Variants in ITPR1 observed in about 807,000 individuals in gnomAD.
ITPR1 encodes inositol 1,4,5-trisphosphate-gated calcium channel ITPR1.
ITPR1 carries 96 observed loss-of-function variants against 318.4 expected under a neutral mutation model. The observed-to-expected ratio is 0.30, with a 90% CI of 0.26 to 0.36. The LOEUF is 0.36. Ranked by LOEUF, ITPR1 falls within the 10% of genes least tolerant of loss-of-function variation. The probability of loss-of-function intolerance (pLI) is 1.00; values close to 1 mark genes in which losing one functional copy is unlikely to be tolerated. For synonymous variants in ITPR1, 1,312 were observed against 1,289.9 expected, an observed-to-expected ratio of 1.02 and a Z score of -0.37; for missense variants, 2,440 against 3,460.2, an observed-to-expected ratio of 0.71 and a Z score of 7.40.
chr3:4,611,482 C>T (rs376317849), intron 4 of ITPR1, among the ~76,000 whole-genome samples: 1 of 151,898 alleles, frequency 6.6e-6, no homozygotes, highest in African/African-American at 2.4e-5. Flanking sequence ...ATGGCTTGAA[C>T]CCAGGAGGCA....
In ITPR1 at chr3:4,846,296, G is replaced by C. The variant is rs2051776144; in HGVS notation, c.*71G>C. On this transcript the variant is annotated 3_prime_UTR_variant, in exon 62 of 62. Coordinates refer to ENST00000649015, the MANE Select transcript of ITPR1 (RefSeq NM_001378452.1). ...AGTGTGGGTATGGCTAATGAGTTCTGATTCACCCACGAAGGTTACATTTAT... is the reference window on the plus strand; with the variant it reads ...AGTGTGGGTATGGCTAATGAGTTCTCATTCACCCACGAAGGTTACATTTAT... 2.0e-6 allele frequency: 2 copies of C among 1,013,424 alleles called. No individual in the cohort carries two copies. Among genetic ancestry groups the C allele is most frequent in the East Asian group, 2.6e-5 (1 of 38,082 alleles). The allele number at this position is 1,013,424 out of a possible 1,614,324, so 62.8% of individuals were successfully genotyped here. A position where few individuals can be genotyped will look rare whatever the true frequency, so the allele number is the denominator to read the frequency against.
intron 51 of ITPR1, among the ~76,000 whole-genome samples, chr3:4,784,184 T>A (rs1486328967): frequency 6.6e-6 from 1 of 152,102 alleles, no homozygotes; most frequent in Non-Finnish European, 1.5e-5. Context: ...CATAAGAAAG[T>A]CCAGCAGAGG....
chr3:4,768,480 C>G, intron 45 of ITPR1, 31 bp from the exon 46 acceptor site: 1 of 1,576,980 alleles, frequency 6.3e-7, no homozygotes. Context: ...GAGGACTCTG[C>G]AGCCTTTCAT....
At chr3:4,764,122 A>G (rs2045646492) in intron 44 of ITPR1, among the ~76,000 whole-genome samples, 1 of 152,186 alleles carries the variant, frequency 6.6e-6, no homozygotes. Flanking sequence ...TCTTGGTGAG[A>G]AATTCAGTCA....
intron 4 of ITPR1, among the ~76,000 whole-genome samples, chr3:4,605,527 C>T (rs920491679): frequency 1.3e-5 from 2 of 152,130 alleles, no homozygotes; most frequent in African/African-American, 4.8e-5. Flanking sequence ...CTATTTTTAG[C>T]AAATGGACAC....
intron 4 of ITPR1, among the ~76,000 whole-genome samples, chr3:4,622,358 C>A (rs1268112588): frequency 6.6e-6 from 1 of 151,350 alleles, no homozygotes; most frequent in East Asian, 1.9e-4. Flanking sequence ...CGTGATCCGC[C>A]TGCCTTGGCC....
At chr3:4,633,202 C>G (rs548974969) in intron 5 of ITPR1, among the ~76,000 whole-genome samples, 1 of 152,224 alleles carries the variant, frequency 6.6e-6, no homozygotes, top group South Asian at 2.1e-4. Flanking sequence ...TGCCAAAGTG[C>G]TGACATTACA....
intron 44 of ITPR1, among the ~76,000 whole-genome samples, chr3:4,754,059 T>A (rs11706000): frequency 1.8e-5 from 2 of 113,658 alleles, no homozygotes; most frequent in South Asian, 2.9e-4. Flanking sequence ...GGGGGGGGGG[T>A]GGCAAGGATT....
At chr3:4,754,837 G>T (rs957070500) in intron 44 of ITPR1, among the ~76,000 whole-genome samples, 3 of 152,188 alleles carry the variant, frequency 2.0e-5, no homozygotes, top group African/African-American at 7.2e-5. Flanking sequence ...TTTTACATCT[G>T]TTTTCAAGGG....
At chr3:4,517,122 C>T (rs950329619) in intron 3 of ITPR1, among the ~76,000 whole-genome samples, 3 of 152,044 alleles carry the variant, frequency 2.0e-5, no homozygotes, top group African/African-American at 7.2e-5. Flanking sequence ...CTCTTTTGTG[C>T]TTTTTTCCCA....
chr3:4,687,770 G>A (rs1011556655), intron 30 of ITPR1, among the ~76,000 whole-genome samples: 3 of 152,154 alleles, frequency 2.0e-5, no homozygotes, highest in South Asian at 2.1e-4. Flanking sequence ...ATCCAACCAC[G>A]TGAAATGCCA....
intron 6 of ITPR1, 144 bp from the exon 7 acceptor site, chr3:4,641,949 C>T (rs1575853445): frequency 1.1e-5 from 6 of 548,884 alleles, no homozygotes; most frequent in East Asian, 6.2e-5. Flanking sequence ...CATCTGCAGC[C>T]GTAGGCACTT....
At chr3:4,725,017 CCTAGGT>C (rs950571936) in intron 40 of ITPR1, among the ~76,000 whole-genome samples, 3 of 152,150 alleles carry the variant, frequency 2.0e-5, no homozygotes, top group Admixed American at 2.0e-4. Flanking sequence ...CAAGCTGGAG[CCTAGGT>C]CTTCTTCTCT....
intron 5 of ITPR1, 67 bp from the exon 6 acceptor site, chr3:4,639,317 G>C: frequency 1.7e-6 from 2 of 1,179,302 alleles, no homozygotes; most frequent in African/African-American, 3.0e-5. Flanking sequence ...CATTTGTTCT[G>C]CGTCACTGCA....
intron 4 of ITPR1, among the ~76,000 whole-genome samples, chr3:4,601,737 C>T (rs1422147917): frequency 6.6e-6 from 1 of 152,122 alleles, no homozygotes; most frequent in Admixed American, 6.5e-5. Context: ...TTTCCTGCTT[C>T]AAAGGATACT....
intron 46 of ITPR1, 117 bp from the exon 47 acceptor site, chr3:4,775,125 G>T (rs757974343): frequency 3.8e-6 from 3 of 779,732 alleles, no homozygotes; most frequent in Non-Finnish European, 6.8e-6. Context: ...GCTCTCCCAC[G>T]TGGCATCTCT....
chr3:4,724,630 C>T (rs893211264), intron 40 of ITPR1, among the ~76,000 whole-genome samples: 1 of 152,164 alleles, frequency 6.6e-6, no homozygotes, highest in Non-Finnish European at 1.5e-5. Flanking sequence ...TCTGGCAGTT[C>T]CATCTGACAT....
chr3:4,804,993 T>C (rs762784629), intron 54 of ITPR1, among the ~76,000 whole-genome samples: 2 of 152,136 alleles, frequency 1.3e-5, no homozygotes, highest in Non-Finnish European at 2.9e-5. Flanking sequence ...AGTTTTTCTG[T>C]CAACATATTG....
Position 4,784,051 on chromosome 3 carries a change from T to C in ITPR1, c.6615+131T>C. Reference sequence around the variant, plus strand: ...TGAGTGTGTACTGTGTGCTAGGTCCTGGGCTGGGTGCTGGACATCCCATGG... The same window carrying C: ...TGAGTGTGTACTGTGTGCTAGGTCCCGGGCTGGGTGCTGGACATCCCATGG... On this transcript the variant is annotated intron_variant, in intron 51 of 61. Coordinates refer to ENST00000649015, the MANE Select transcript of ITPR1 (RefSeq NM_001378452.1). The C allele has an allele frequency of 7.8e-6, 5 of 640,822 alleles. No individual in the cohort carries two copies. In the South Asian group the frequency reaches 9.2e-5, roughly 12 times the overall value. The allele number at this position is 640,822 out of a possible 1,614,324, so 39.7% of individuals were successfully genotyped here. A position where few individuals can be genotyped will look rare whatever the true frequency, so the allele number is the denominator to read the frequency against.
Sources: gnomAD v4.1 joint callset for allele counts (sites outside exome capture counted in the v4.1 genomes callset) on GRCh38, gnomAD v4.1.1 for gene constraint, MANE v1.5 for transcripts, NCBI Gene and HGNC (gene_info 2026-07-23, HGNC 2026-07-21) for gene names.